ZFHX3: variants seen among roughly 807,000 people sequenced by gnomAD.
ZFHX3 encodes the protein zinc finger homeobox protein 3.
Under a neutral mutation model 279.1 loss-of-function variants are expected in ZFHX3, and 42 were observed. The ratio of observed to expected loss-of-function variants is 0.15; its 90% confidence interval spans 0.12 to 0.19. ZFHX3 has a LOEUF of 0.19. Among genes scored for constraint, ZFHX3 ranks in the 10% least tolerant of loss-of-function variants. The pLI is 1.00. For missense variants in ZFHX3, 4,981 were observed against 4,754.0 expected (o/e 1.05, Z -1.40); for synonymous variants, 2,293 against 1,957.8 (o/e 1.17, Z -4.52).
At chr16:73,642,690 A>G (rs1190060175) in intron 2 of ZFHX3, among the ~76,000 whole-genome samples, 1 of 152,166 alleles carries the variant, frequency 6.6e-6, no homozygotes, top group East Asian at 1.9e-4. Flanking sequence ...AGCGTAGTAC[A>G]TATGTGCACC....
intron 3 of ZFHX3, among the ~76,000 whole-genome samples, chr16:73,446,868 G>C (rs1320591336): frequency 6.6e-6 from 1 of 152,042 alleles, no homozygotes. Flanking sequence ...ACCTGCACAT[G>C]TACCCCTGAA....
At chr16:73,307,883 G>T (rs2015219128) in intron 4 of ZFHX3, among the ~76,000 whole-genome samples, 1 of 152,078 alleles carries the variant, frequency 6.6e-6, no homozygotes, top group African/African-American at 2.4e-5. Flanking sequence ...TGGGCACCAG[G>T]TACCTTGAAG....
intron 8 of ZFHX3, among the ~76,000 whole-genome samples, chr16:73,069,756 G>A (rs994189750): frequency 6.6e-6 from 1 of 152,176 alleles, no homozygotes; most frequent in Non-Finnish European, 1.5e-5. Flanking sequence ...CTGAAAAACT[G>A]AGTTGGTCAC....
At chr16:73,731,813 A>C (rs1056492664) in intron 1 of ZFHX3, among the ~76,000 whole-genome samples, 1 of 152,216 alleles carries the variant, frequency 6.6e-6, no homozygotes, top group Non-Finnish European at 1.5e-5. Flanking sequence ...CTTAAATTGC[A>C]AGAGAAGAGG....
rs193089741 is a variant in ZFHX3, at chr16:72,995,631, G to A, written c.-49-35437C>T. Among the ~76,000 whole-genome samples the A allele has an allele frequency of 1.4e-3, 209 of 152,250 alleles. 1 individual carries two copies. Among genetic ancestry groups the A allele is most frequent in the African/African-American group, 5.0e-3 (206 of 41,534 alleles). On this transcript the variant is annotated intron_variant, in intron 1 of 9. Transcript: ENST00000268489. ...TCAGAGCTCTCCAAGCTCCTGCAGA[G>A]GCTTAAGCCATGGATGTGGCATGGT... is the stretch of plus-strand genomic sequence containing the variant.
intron 2 of ZFHX3, among the ~76,000 whole-genome samples, chr16:73,637,592 A>G (rs2052538935): frequency 6.6e-6 from 1 of 152,136 alleles, no homozygotes; most frequent in East Asian, 1.9e-4. Flanking sequence ...ATTAAATGTT[A>G]TAGTGTTGGG....
intron 2 of ZFHX3, among the ~76,000 whole-genome samples, chr16:73,496,024 G>A (rs1482519356): frequency 2.0e-5 from 3 of 152,186 alleles, no homozygotes; most frequent in East Asian, 3.8e-4. Context: ...GAAAGAGAGC[G>A]ACATATTAGT....
At chr16:73,304,110 C>G (rs1295358983) in intron 4 of ZFHX3, among the ~76,000 whole-genome samples, 1 of 152,158 alleles carries the variant, frequency 6.6e-6, no homozygotes, top group African/African-American at 2.4e-5. Flanking sequence ...CTCTGGCAGC[C>G]TCCCACCAGT....
At chr16:73,151,738 A>G (rs1218757030) in intron 5 of ZFHX3, among the ~76,000 whole-genome samples, 1 of 152,258 alleles carries the variant, frequency 6.6e-6, no homozygotes, top group East Asian at 1.9e-4. Context: ...ATTCCCATGA[A>G]AATATTCCAA....
chr16:72,910,267 C>G (rs1460844472), intron 3 of ZFHX3, among the ~76,000 whole-genome samples: 1 of 152,166 alleles, frequency 6.6e-6, no homozygotes, highest in African/African-American at 2.4e-5. Flanking sequence ...CTTCCAGTAG[C>G]TGAAAACAAT....
intron 2 of ZFHX3, among the ~76,000 whole-genome samples, chr16:73,568,403 T>G (rs1412552006): frequency 6.6e-6 from 1 of 152,180 alleles, no homozygotes; most frequent in Non-Finnish European, 1.5e-5. Context: ...AAACCTGCCT[T>G]GTCTTAGCAC....
At chr16:73,748,623 C>G (rs1231445893) in intron 1 of ZFHX3, among the ~76,000 whole-genome samples, 1 of 152,184 alleles carries the variant, frequency 6.6e-6, no homozygotes, top group Non-Finnish European at 1.5e-5. Context: ...ACCAATCACT[C>G]CTACCTCCAG....
At chr16:73,692,452 A>G (rs1377630134) in intron 1 of ZFHX3, among the ~76,000 whole-genome samples, 2 of 152,188 alleles carry the variant, frequency 1.3e-5, no homozygotes, top group Non-Finnish European at 2.9e-5. Context: ...TTATTTCTTA[A>G]CTATGGCATT....
intron 2 of ZFHX3, among the ~76,000 whole-genome samples, chr16:73,593,790 AATG>A (rs2052022541): frequency 6.6e-6 from 1 of 152,306 alleles, no homozygotes; most frequent in African/African-American, 2.4e-5. Flanking sequence ...TAAAAAGAAA[AATG>A]ATAACAGTTT....
intron 4 of ZFHX3, among the ~76,000 whole-genome samples, chr16:73,275,038 G>C (rs913849359): frequency 3.3e-5 from 5 of 152,144 alleles, no homozygotes; most frequent in African/African-American, 1.2e-4. Context: ...GCACAGAGAT[G>C]TACAGAGCCT....
chr16:73,754,138 T>C (rs1038532829), intron 1 of ZFHX3, among the ~76,000 whole-genome samples: 4 of 151,980 alleles, frequency 2.6e-5, no homozygotes, highest in Non-Finnish European at 5.9e-5. Context: ...CACAGTAGGT[T>C]CTCCCAAACT....
intron 1 of ZFHX3, among the ~76,000 whole-genome samples, chr16:73,792,537 C>G (rs372536250): frequency 6.6e-6 from 1 of 152,178 alleles, no homozygotes; most frequent in Non-Finnish European, 1.5e-5. Context: ...ATTGGGTTTA[C>G]GCTCGCATTT....
chr16:73,409,729 G>A (rs1483190218), intron 3 of ZFHX3, among the ~76,000 whole-genome samples: 7 of 152,166 alleles, frequency 4.6e-5, no homozygotes, highest in Admixed American at 3.3e-4. Context: ...GGTACATGAC[G>A]AATGGATAAA....
chr16:73,085,469 T>C (rs1966000620), intron 8 of ZFHX3, among the ~76,000 whole-genome samples: 1 of 152,022 alleles, frequency 6.6e-6, no homozygotes, highest in African/African-American at 2.4e-5. Context: ...TGGTCTTGAA[T>C]TCCTGACCTC....
Sources: allele counts gnomAD v4.1 joint callset (sites outside exome capture counted in the v4.1 genomes callset), GRCh38; gene constraint gnomAD v4.1.1; transcripts MANE v1.5; gene names NCBI Gene and HGNC (gene_info 2026-07-23, HGNC 2026-07-21).